Variants in TMEM132C observed in about 807,000 individuals in gnomAD.
TMEM132C encodes transmembrane protein 132C, also known as protein phosphatase 1, regulatory subunit 152.
Under a neutral mutation model 61.4 loss-of-function variants are expected in TMEM132C, and 29 were observed. That is an observed-to-expected ratio of 0.47 (90% CI 0.35 to 0.64). The LOEUF (loss-of-function observed/expected upper bound fraction) is 0.64. Ranked by LOEUF, TMEM132C falls within the 30% of genes least tolerant of loss-of-function variation. The probability of loss-of-function intolerance (pLI) is 0.00; values close to 1 mark genes in which losing one functional copy is unlikely to be tolerated. For missense variants in TMEM132C, 1,408 were observed against 1,476.9 expected (o/e 0.95, Z 0.76); for synonymous variants, 656 against 633.1 (o/e 1.04, Z -0.54).
intron 2 of TMEM132C, among the ~76,000 whole-genome samples, chr12:128,540,114 T>C (rs1873683387): frequency 6.6e-6 from 1 of 152,164 alleles, no homozygotes; most frequent in Non-Finnish European, 1.5e-5. Flanking sequence ...CCACCGACTT[T>C]CCATTTTGCT....
intron 2 of TMEM132C, among the ~76,000 whole-genome samples, chr12:128,441,049 AAAAC>A (rs1318346570): frequency 1.3e-5 from 2 of 152,202 alleles, no homozygotes; most frequent in Admixed American, 6.5e-5. Flanking sequence ...CTCAAAACAA[AAAAC>A]AAACAAGCAA....
intron 4 of TMEM132C, among the ~76,000 whole-genome samples, chr12:128,641,629 G>T (rs1954158455): frequency 6.6e-6 from 1 of 152,096 alleles, no homozygotes; most frequent in South Asian, 2.1e-4. Flanking sequence ...CCTCCCCGGG[G>T]TCTTCAGAGT....
chr12:128,283,695 C>T (rs1469526626), intron 1 of TMEM132C, among the ~76,000 whole-genome samples: 2 of 152,234 alleles, frequency 1.3e-5, no homozygotes, highest in Non-Finnish European at 2.9e-5. Context: ...ACTGATGCCT[C>T]AGATTCTAAT....
At chr12:128,678,007 G>C (rs372263489) in intron 5 of TMEM132C, among the ~76,000 whole-genome samples, 72 of 152,234 alleles carry the variant, frequency 4.7e-4, no homozygotes, top group African/African-American at 5.3e-4. Context: ...TCTCTGTGCT[G>C]AACCTACTAT....
At chr12:128,669,660 A>C (rs1593142557) in intron 5 of TMEM132C, 100 bp downstream of exon 5, 1 of 1,395,740 alleles carries the variant, frequency 7.2e-7, no homozygotes. Context: ...ACGTTCAACT[A>C]TACAGAGGCT....
intron 2 of TMEM132C, among the ~76,000 whole-genome samples, chr12:128,418,596 T>G (rs1351319625): frequency 6.6e-6 from 1 of 152,218 alleles, no homozygotes; most frequent in Non-Finnish European, 1.5e-5. Context: ...GCAAAAATAG[T>G]ACAGTGATTG....
At chr12:128,699,191 G>C (rs535031171) in intron 8 of TMEM132C, among the ~76,000 whole-genome samples, 10 of 152,332 alleles carry the variant, frequency 6.6e-5, no homozygotes, top group Admixed American at 2.0e-4. Context: ...CTAGAGTGAT[G>C]ATGCTCAGTG....
At chr12:128,283,601 A>C (rs1870968205) in intron 1 of TMEM132C, among the ~76,000 whole-genome samples, 1 of 151,506 alleles carries the variant, frequency 6.6e-6, no homozygotes, top group Non-Finnish European at 1.5e-5. Context: ...TTCTCTGTCT[A>C]CTGTTCTGTG....
At chr12:128,435,923 C>G (rs939701468) in intron 2 of TMEM132C, among the ~76,000 whole-genome samples, 1 of 152,208 alleles carries the variant, frequency 6.6e-6, no homozygotes, top group African/African-American at 2.4e-5. Context: ...GTAACCAAAA[C>G]AGCACGGTAC....
chr12:128,291,661 T>C (rs1871251398), intron 1 of TMEM132C, among the ~76,000 whole-genome samples: 1 of 152,196 alleles, frequency 6.6e-6, no homozygotes, highest in South Asian at 2.1e-4. Context: ...CCTGTGCTGG[T>C]TGAGTCCTGT....
intron 1 of TMEM132C, among the ~76,000 whole-genome samples, chr12:128,320,335 T>G (rs1872290406): frequency 6.6e-6 from 1 of 152,230 alleles, no homozygotes; most frequent in Non-Finnish European, 1.5e-5. Flanking sequence ...ATTGTTGACT[T>G]CCATTGATTA....
intron 2 of TMEM132C, among the ~76,000 whole-genome samples, chr12:128,427,428 G>GTGTGTGTGTA (rs1359402190): frequency 0.014 from 1,771 of 129,018 alleles, 9 homozygotes; most frequent in Middle Eastern, 0.02. Context: ...GTGTGTGTGT[G>GTGTGTGTGTA]TATATATATT....
intron 1 of TMEM132C, among the ~76,000 whole-genome samples, chr12:128,336,412 C>T (rs1872792600): frequency 6.6e-6 from 1 of 152,172 alleles, no homozygotes; most frequent in Non-Finnish European, 1.5e-5. Context: ...CATTTCCTAA[C>T]AGAATGTCTC....
chr12:128,435,170 C>A (rs936022743), intron 2 of TMEM132C, among the ~76,000 whole-genome samples: 2 of 152,136 alleles, frequency 1.3e-5, no homozygotes, highest in Non-Finnish European at 2.9e-5. Flanking sequence ...TTGCCAATAC[C>A]TTCATCTTGG....
At chr12:128,578,948 G>A (rs1049519657) in intron 3 of TMEM132C, among the ~76,000 whole-genome samples, 5 of 152,082 alleles carry the variant, frequency 3.3e-5, no homozygotes, top group South Asian at 4.1e-4. Flanking sequence ...TTGGGAGATC[G>A]TAAAAACATG....
intron 4 of TMEM132C, among the ~76,000 whole-genome samples, chr12:128,667,780 G>A (rs1231525596): frequency 6.6e-6 from 1 of 152,106 alleles, no homozygotes; most frequent in Non-Finnish European, 1.5e-5. Context: ...AGGCAATCAG[G>A]TAGTATCCTA....
intron 1 of TMEM132C, among the ~76,000 whole-genome samples, chr12:128,407,434 G>T (rs975509876): frequency 6.6e-6 from 1 of 152,146 alleles, no homozygotes; most frequent in Non-Finnish European, 1.5e-5. Context: ...ATGACTGCTG[G>T]CTGCTCTGTG....
Position 128,442,115 on chromosome 12 carries a change from G to T in TMEM132C, c.974+26495G>T, listed in dbSNP as rs148859896. On this transcript the variant is annotated intron_variant, in intron 2 of 8. Transcript: ENST00000435159. ...GAGGAGTCATGCCTCCTGGGCCTCA[G>T]TCTTTTCTTCTGTGAAAAAGGAATC... Among the ~76,000 whole-genome samples, 652 of 152,322 alleles carry T rather than the reference G, an allele frequency of 4.3e-3. 2 individuals carry two copies. Among genetic ancestry groups the T allele is most frequent in the African/African-American group, 0.015 (607 of 41,574 alleles).
At chr12:128,575,452 C>G (rs190864074) in intron 3 of TMEM132C, among the ~76,000 whole-genome samples, 156 of 151,744 alleles carry the variant, frequency 1.0e-3, no homozygotes, top group Non-Finnish European at 1.8e-3. Context: ...GCACTCCAGC[C>G]TGGGCGACAG....
Sources: gnomAD v4.1 joint callset for allele counts (sites outside exome capture counted in the v4.1 genomes callset) on GRCh38, gnomAD v4.1.1 for gene constraint, MANE v1.5 for transcripts, NCBI Gene and HGNC (gene_info 2026-07-23, HGNC 2026-07-21) for gene names.